The following GM2A variants were observed in gnomAD, a reference collection of about 807,000 sequenced individuals.
GM2A encodes ganglioside GM2 activator, also known as GM2 ganglioside activator.
Under a neutral mutation model 12.9 loss-of-function variants are expected in GM2A, and 7 were observed. The ratio of observed to expected loss-of-function variants is 0.54; its 90% CI spans 0.31 to 1.02. The LOEUF is 1.02. Ranked by LOEUF, GM2A falls within the 50% of genes least tolerant of loss-of-function variation. The pLI, the probability that GM2A is intolerant of heterozygous loss-of-function variation, is 0.05. For missense variants in GM2A, 246 were observed against 241.0 expected (o/e 1.02, Z -0.14); for synonymous variants, 101 against 96.0 (o/e 1.05, Z -0.30).
intron 1 of GM2A, among the ~76,000 whole-genome samples, chr5:151,255,564 A>G (rs946751274): frequency 6.6e-6 from 1 of 151,944 alleles, no homozygotes; most frequent in Non-Finnish European, 1.5e-5. Context: ...CATCTGTAAG[A>G]TGGGTGTGAT....
At chr5:151,264,397 T>A in intron 2 of GM2A, among the ~76,000 whole-genome samples, 1 of 152,296 alleles carries the variant, frequency 6.6e-6, no homozygotes, top group South Asian at 2.1e-4. Flanking sequence ...AGCCACTACC[T>A]CTTCTGGTAG....
rs2127244110 is a variant in GM2A, at chr5:151,270,162, TTTAA to T, written c.*2713_*2716del. On this transcript the variant is annotated 3_prime_UTR_variant, in exon 4 of 4. Transcript: ENST00000357164. ...TCTTCAATCGCAGGTCAAAGCAGAC[TTTAA>T]TAAATGGTGCTGAGCCAACTGGAAA... The T allele has an allele frequency of 1.7e-6, 2 of 1,195,098 alleles. No individual in the cohort carries two copies. Among genetic ancestry groups the T allele is most frequent in the Non-Finnish European group, 2.1e-6 (2 of 957,764 alleles). The allele number at this position is 1,195,098 out of a possible 1,614,324, so 74.0% of individuals were successfully genotyped here. A position where few individuals can be genotyped will look rare whatever the true frequency, so the allele number is the denominator to read the frequency against.
intron 1 of GM2A, among the ~76,000 whole-genome samples, chr5:151,256,619 A>AG (rs1416333609): frequency 6.6e-6 from 1 of 151,576 alleles, no homozygotes; most frequent in East Asian, 1.9e-4. Flanking sequence ...AAAAAAAAAA[A>AG]AAAAAGAAAA....
Position 151,268,867 on chromosome 5 carries a change from T to G in GM2A, c.*1416T>G. 1 of 985,524 alleles carries G rather than the reference T, an allele frequency of 1.0e-6. No homozygotes were observed. Among genetic ancestry groups the G allele is most frequent in the Non-Finnish European group, 1.2e-6 (1 of 829,980 alleles). 61.0% of individuals were successfully genotyped at this position (985,524 alleles called of 1,614,324 possible). On this transcript the variant is annotated 3_prime_UTR_variant, in exon 4 of 4. Transcript: ENST00000357164. ...CTCTGATCTCAGACCGTGCATGCCTTGTCCTCTTAAGACAACTCCTGTGGC... is the reference window on the plus strand; with the variant it reads ...CTCTGATCTCAGACCGTGCATGCCTGGTCCTCTTAAGACAACTCCTGTGGC...
chr5:151,253,285 C>A lies in GM2A; in HGVS notation c.69C>A (p.Ala23=). ...LGLLLAAPAQ[A]HLKKPSQLSS... ...TGCTTCTCGCGGCCCCTGCGCAAGC[C>A]CACCTGAAAAAGGTGAGTGCACCCT... The change falls in exon 1 of 4, where the codon GCC becomes GCA. Residue 23 remains alanine, a synonymous_variant. Transcript: ENST00000357164. 5 of 1,613,154 alleles carry A rather than the reference C, an allele frequency of 3.1e-6. No homozygotes were observed. Among genetic ancestry groups the A allele is most frequent in the Non-Finnish European group, 4.2e-6 (5 of 1,179,218 alleles).
chr5:151,264,494 C>T (rs1010387623), intron 2 of GM2A, among the ~76,000 whole-genome samples: 1 of 152,164 alleles, frequency 6.6e-6, no homozygotes, highest in East Asian at 1.9e-4. Context: ...TGTTCTCACT[C>T]AGGGCATAAC....
intron 1 of GM2A, among the ~76,000 whole-genome samples, chr5:151,255,859 C>T (rs1266881109): frequency 6.6e-6 from 1 of 152,166 alleles, no homozygotes; most frequent in African/African-American, 2.4e-5. Flanking sequence ...GCTGCTAGCT[C>T]ACCCTACAAA....
Position 151,267,640 on chromosome 5 carries a change from A to G in GM2A, c.*189A>G, listed in dbSNP as rs1404748369. The G allele has an allele frequency of 2.0e-6, 3 of 1,511,676 alleles. No individual in the cohort carries two copies. In the Admixed American group the frequency reaches 6.0e-5, roughly 30 times the overall value. 93.6% of individuals were successfully genotyped at this position (1,511,676 alleles called of 1,614,324 possible). A position where few individuals can be genotyped will look rare whatever the true frequency, so the allele number is the denominator to read the frequency against. On this transcript the variant is annotated 3_prime_UTR_variant, in exon 4 of 4. Coordinates refer to ENST00000357164, the MANE Select transcript of GM2A (RefSeq NM_000405.5). ...GGCTGGGGCAAGCAGCCCTGACCTA[A>G]GGGAGAATGAGTTGGACAGTTCTTG...
chr5:151,268,690 A>G lies in GM2A; in HGVS notation c.*1239A>G. The G allele has an allele frequency of 1.7e-6, 1 of 580,664 alleles. No homozygotes were observed. The highest frequency in any genetic ancestry group is 2.2e-6 in the Non-Finnish European group (1 of 460,842). 36.0% of individuals were successfully genotyped at this position (580,664 alleles called of 1,614,324 possible). On this transcript the variant is annotated 3_prime_UTR_variant, in exon 4 of 4. Transcript: ENST00000357164. ...GAGTGAGACTCTGTCTCAAAAAAAA[A>G]GTTTCAATGTTTACTCCTAGAGAAG...
chr5:151,267,882 C>T lies in GM2A; in HGVS notation c.*431C>T. ...TTAACGTTTTTGTTCTCCTCCGGCCCCCTGTTACAATGAAGGGGCAAAAGT... is the reference window on the plus strand; with the variant it reads ...TTAACGTTTTTGTTCTCCTCCGGCCTCCTGTTACAATGAAGGGGCAAAAGT... On this transcript the variant is annotated 3_prime_UTR_variant, in exon 4 of 4. Transcript: ENST00000357164. 1.7e-6 allele frequency: 2 copies of T among 1,146,994 alleles called. No homozygotes were observed. The highest frequency in any genetic ancestry group is 3.8e-5 in the South Asian group (2 of 52,294). The allele number at this position is 1,146,994 out of a possible 1,614,324, so 71.1% of individuals were successfully genotyped here.
intron 1 of GM2A, among the ~76,000 whole-genome samples, chr5:151,259,546 T>C (rs1341887588): frequency 6.6e-6 from 1 of 152,192 alleles, no homozygotes; most frequent in African/African-American, 2.4e-5. Context: ...TTATGTCTTT[T>C]GAGTCTTTTA....
intron 2 of GM2A, among the ~76,000 whole-genome samples, chr5:151,260,416 G>C (rs1753773468): frequency 6.6e-6 from 1 of 152,144 alleles, no homozygotes; most frequent in Non-Finnish European, 1.5e-5. Context: ...TCAGGAGTTT[G>C]AGACCAGCCT....
At chr5:151,264,483 G>A (rs1418893991) in intron 2 of GM2A, among the ~76,000 whole-genome samples, 2 of 152,200 alleles carry the variant, frequency 1.3e-5, no homozygotes, top group Non-Finnish European at 2.9e-5. Flanking sequence ...CCTCCACTGT[G>A]TGTTCTCACT....
At chr5:151,261,371 A>G (rs1047097463) in intron 2 of GM2A, among the ~76,000 whole-genome samples, 1 of 152,160 alleles carries the variant, frequency 6.6e-6, no homozygotes, top group African/African-American at 2.4e-5. Context: ...TGGATCTTTC[A>G]TAATTTATAT....
chr5:151,264,046 C>G (rs1202003812), intron 2 of GM2A, among the ~76,000 whole-genome samples: 3 of 152,172 alleles, frequency 2.0e-5, no homozygotes, highest in Admixed American at 6.5e-5. Context: ...TCCCAATGCC[C>G]AGCCCTCCCT....
intron 2 of GM2A, among the ~76,000 whole-genome samples, chr5:151,264,347 C>T (rs949209503): frequency 2.6e-5 from 4 of 152,198 alleles, no homozygotes; most frequent in Admixed American, 6.5e-5. Context: ...CTTCTTGTGT[C>T]GTGCTGGTCC....
At position 151,268,773 on chromosome 5, in the gene GM2A, AT is replaced by A. The variant is rs1255727986; in HGVS notation, c.*1329del. ...CATTTTAAAAGATTGGCAGCTAATT[AT>A]TTTTTTAAAAAGCTGTGCAGTGTGA... On this transcript the variant is annotated 3_prime_UTR_variant, in exon 4 of 4. Coordinates refer to ENST00000357164, the MANE Select transcript of GM2A (RefSeq NM_000405.5). 4.2e-6 allele frequency: 3 copies of A among 718,016 alleles called. No individual in the cohort carries two copies. The highest frequency in any genetic ancestry group is 6.3e-5 in the South Asian group (1 of 15,942). 44.5% of individuals were successfully genotyped at this position (718,016 alleles called of 1,614,324 possible). A position where few individuals can be genotyped will look rare whatever the true frequency, so the allele number is the denominator to read the frequency against.
At chr5:151,256,307 A>C (rs1753683300) in intron 1 of GM2A, among the ~76,000 whole-genome samples, 1 of 152,210 alleles carries the variant, frequency 6.6e-6, no homozygotes, top group Non-Finnish European at 1.5e-5. Flanking sequence ...TTAGGTTTAT[A>C]GAATAGTTGC....
At chr5:151,263,383 G>C (rs758091010) in intron 2 of GM2A, among the ~76,000 whole-genome samples, 1 of 149,798 alleles carries the variant, frequency 6.7e-6, no homozygotes, top group Non-Finnish European at 1.5e-5. Context: ...AATATTTCTC[G>C]TATATATATA....
Sources: gnomAD v4.1 joint callset for allele counts (sites outside exome capture counted in the v4.1 genomes callset) on GRCh38, gnomAD v4.1.1 for gene constraint, MANE v1.5 for transcripts, NCBI Gene and HGNC (gene_info 2026-07-23, HGNC 2026-07-21) for gene names.